MRPL30: variants seen among roughly 807,000 people sequenced by gnomAD.
The protein encoded by MRPL30 is mitochondrial ribosomal protein L30.
A neutral mutation model predicts 17.2 loss-of-function variants in MRPL30; 10 were observed. That is an observed-to-expected ratio of 0.58 (90% CI 0.36 to 0.99). The LOEUF is 0.99. MRPL30 is among the 50% of genes least tolerant of loss of function. The pLI is 0.01. For synonymous variants in MRPL30, 61 were observed against 62.1 expected (o/e 0.98, Z 0.08); for missense variants, 170 against 189.8 (o/e 0.90, Z 0.61).
chr2:99,191,168 A>G (rs1450825109), intron 3 of MRPL30, among the ~76,000 whole-genome samples: 4 of 151,996 alleles, frequency 2.6e-5, no homozygotes, highest in Non-Finnish European at 5.9e-5. Flanking sequence ...CACCACACCC[A>G]GCTAATTTTT....
At chr2:99,182,834 A>G (rs529379076) in intron 1 of MRPL30, among the ~76,000 whole-genome samples, 1 of 152,366 alleles carries the variant, frequency 6.6e-6, no homozygotes, top group South Asian at 2.1e-4. Context: ...TGAATATAAC[A>G]GACCCAAAAC....
chr2:99,185,216 C>A (rs1405910319), intron 1 of MRPL30, among the ~76,000 whole-genome samples: 1 of 152,162 alleles, frequency 6.6e-6, no homozygotes. Context: ...CCCTTCCACC[C>A]CTCCCTATCT....
In MRPL30 at chr2:99,195,902, A is replaced by C; in HGVS notation, c.*197A>C. On this transcript the variant is annotated 3_prime_UTR_variant, in exon 6 of 6. Transcript: ENST00000338148. ...TTCGAGACCAGCCTGACCAACATGG[A>C]GAAACCCCCATCTCTACTGAAAATA... 1.9e-6 allele frequency: 1 copy of C among 522,850 alleles called. No homozygotes were observed. The highest frequency in any genetic ancestry group is 2.2e-5 in the South Asian group (1 of 46,380). 32.4% of individuals were successfully genotyped at this position (522,850 alleles called of 1,614,324 possible).
Position 99,198,279 on chromosome 2 carries a change from T to A in MRPL30, c.*2574T>A. Among the ~76,000 whole-genome samples the A allele has an allele frequency of 6.6e-6, 1 of 152,170 alleles. No homozygotes were observed. The highest frequency in any genetic ancestry group is 1.9e-4 in the East Asian group (1 of 5,190). ...GCTTAGCTGGGTAGTCTGTTTAGGA[T>A]CTCAGTGCTGGAAAAACGTGTCTGG... On this transcript the variant is annotated 3_prime_UTR_variant, in exon 6 of 6. Coordinates refer to ENST00000338148, the MANE Select transcript of MRPL30 (RefSeq NM_145212.4).
chr2:99,182,705 T>C (rs2093926945), intron 1 of MRPL30, among the ~76,000 whole-genome samples: 1 of 152,214 alleles, frequency 6.6e-6, no homozygotes, highest in South Asian at 2.1e-4. Flanking sequence ...ACTTGTAACT[T>C]TTGACTATCA....
In MRPL30 at chr2:99,191,691, C is replaced by T. The variant is rs868459241; in HGVS notation, c.133-3060C>T. ...TGGGTTTCCTTGTATCAGTCTCTAT[C>T]CCCAGTTGGTTTTATTCTTAGGTAA... On this transcript the variant is annotated intron_variant, in intron 3 of 5. Transcript: ENST00000338148. Among the ~76,000 whole-genome samples the T allele has an allele frequency of 6.4e-4, 98 of 152,122 alleles. 2 individuals are homozygous for T. Among genetic ancestry groups the T allele is most frequent in the African/African-American group, 1.0e-3 (43 of 41,426 alleles).
At position 99,195,607 on chromosome 2, in the gene MRPL30, G is replaced by C. The variant is rs1044575; in HGVS notation, c.388G>C (p.Ala130Pro). 6.2e-7 allele frequency: 1 copy of C among 1,610,294 alleles called. No homozygotes were observed. Among genetic ancestry groups the C allele is most frequent in the Non-Finnish European group, 8.5e-7 (1 of 1,179,150 alleles). The change falls in exon 6 of 6, where the codon GCA (alanine) becomes CCA (proline). Residue 130 changes from alanine to proline, a missense_variant. Transcript: ENST00000338148. ...KPLKLPQGLP[A>P]EENMSNTCLK... is the part of the protein sequence containing the mutation. ...CTTGAAGTTGCCACAAGGACTTCCA[G>C]CAGAGGAGAACATGTCTAACACGTG... is the stretch of plus-strand genomic sequence containing the variant.
intron 3 of MRPL30, among the ~76,000 whole-genome samples, chr2:99,191,689 ATC>A (rs2093946320): frequency 6.6e-6 from 1 of 152,182 alleles, no homozygotes; most frequent in South Asian, 2.1e-4. Flanking sequence ...ATCAGTCTCT[ATC>A]CCCAGTTGGT....
chr2:99,189,071 A>G (rs2093939378), intron 3 of MRPL30, among the ~76,000 whole-genome samples: 1 of 152,192 alleles, frequency 6.6e-6, no homozygotes, highest in South Asian at 2.1e-4. Context: ...GGAAGTATGG[A>G]GAGTTCCTAT....
chr2:99,195,610 G>C lies in MRPL30; in HGVS notation c.391G>C (p.Glu131Gln), dbSNP rs768132095. The C allele has an allele frequency of 7.9e-5, 127 of 1,611,712 alleles. No individual in the cohort carries two copies. Among genetic ancestry groups the C allele is most frequent in the Non-Finnish European group, 9.6e-5 (113 of 1,179,582 alleles). The change falls in exon 6 of 6, where the codon GAG (glutamate) becomes CAG (glutamine). Residue 131 changes from glutamate (E) to glutamine (Q), a missense_variant. By Grantham distance (29) the Glu-to-Gln change is conservative. Transcript: ENST00000338148. ...GAAGTTGCCACAAGGACTTCCAGCA[G>C]AGGAGAACATGTCTAACACGTGCCT... ...PLKLPQGLPAEENMSNTCLKS... is the reference protein window; with the variant it reads ...PLKLPQGLPAQENMSNTCLKS...
chr2:99,187,564 G>A (rs919041082), intron 2 of MRPL30, among the ~76,000 whole-genome samples: 2 of 152,114 alleles, frequency 1.3e-5, no homozygotes, highest in Non-Finnish European at 2.9e-5. Flanking sequence ...GGTGGCTCAC[G>A]CTTGTAATCC....
chr2:99,193,144 C>T (rs1414979835), intron 3 of MRPL30, among the ~76,000 whole-genome samples: 2 of 151,940 alleles, frequency 1.3e-5, no homozygotes, highest in Non-Finnish European at 2.9e-5. Context: ...ACAAACAATC[C>T]CATCAAAAAG....
In MRPL30 at chr2:99,194,780, A is replaced by G; in HGVS notation, c.162A>G (p.Glu54=). ...KVFQASPEDH[E]KYGGDPQNPH... ...TTCAGGCCTCACCTGAAGATCATGA[A>G]AAATACGGTGGGGATCCACAGAACC... The change falls in exon 4 of 6, where the codon GAA becomes GAG. Residue 54 remains glutamate (E), a synonymous_variant. Transcript: ENST00000338148. 6.3e-7 allele frequency: 1 copy of G among 1,592,304 alleles called. No homozygotes were observed. Among genetic ancestry groups the G allele is most frequent in the Non-Finnish European group, 8.5e-7 (1 of 1,174,422 alleles).
chr2:99,192,836 A>G (rs546579068), intron 3 of MRPL30, among the ~76,000 whole-genome samples: 2 of 152,308 alleles, frequency 1.3e-5, no homozygotes, highest in South Asian at 4.1e-4. Context: ...GGTTGAACTA[A>G]TTTACATTCC....
intron 3 of MRPL30, among the ~76,000 whole-genome samples, chr2:99,191,491 A>G (rs1389928750): frequency 6.6e-6 from 1 of 152,192 alleles, no homozygotes; most frequent in Non-Finnish European, 1.5e-5. Flanking sequence ...AGTTAATGCT[A>G]CCATCCTCTA....
At chr2:99,186,324 A>C (rs1253496715) in intron 2 of MRPL30, 70 bp downstream of exon 2, 6 of 1,399,708 alleles carry the variant, frequency 4.3e-6, no homozygotes, top group Non-Finnish European at 5.0e-6. Flanking sequence ...ATTACAAGGC[A>C]AGCTAAGTTC....
At chr2:99,185,664 T>C (rs1037015044) in intron 1 of MRPL30, 3 of 312,044 alleles carry the variant, frequency 9.6e-6, no homozygotes, top group African/African-American at 2.2e-5. Context: ...TGTTATGATT[T>C]AGTGAAAATG....
chr2:99,198,894 C>T lies in MRPL30; in HGVS notation c.*3189C>T, dbSNP rs972617574. Among the ~76,000 whole-genome samples the T allele has an allele frequency of 6.6e-6, 1 of 152,100 alleles. No individual in the cohort carries two copies. Among genetic ancestry groups the T allele is most frequent in the African/African-American group, 2.4e-5 (1 of 41,412 alleles). ...AGGACGACTGCAGTTCTCTTAGGGT[C>T]TCCTCAATCTAAAATTGTACCTCTT... On this transcript the variant is annotated 3_prime_UTR_variant, in exon 6 of 6. Coordinates refer to ENST00000338148, the MANE Select transcript of MRPL30 (RefSeq NM_145212.4).
In MRPL30 at chr2:99,196,141, A is replaced by G. The variant is rs946347329; in HGVS notation, c.*436A>G. 5.9e-6 allele frequency: 1 copy of G among 169,846 alleles called. No individual in the cohort carries two copies. Among genetic ancestry groups the G allele is most frequent in the African/African-American group, 2.4e-5 (1 of 41,438 alleles). The allele number at this position is 169,846 out of a possible 1,614,324, so 10.5% of individuals were successfully genotyped here. A position where few individuals can be genotyped will look rare whatever the true frequency, so the allele number is the denominator to read the frequency against. On this transcript the variant is annotated 3_prime_UTR_variant, in exon 6 of 6. Coordinates refer to ENST00000338148, the MANE Select transcript of MRPL30 (RefSeq NM_145212.4). Reference sequence around the variant, plus strand: ...ACCTGCTGCAGCTCTCTTTTACTACAGACTTGGAGATTTTAGTTTAATTTG... The same window carrying G: ...ACCTGCTGCAGCTCTCTTTTACTACGGACTTGGAGATTTTAGTTTAATTTG...
Sources: gnomAD v4.1 joint callset for allele counts (sites outside exome capture counted in the v4.1 genomes callset) on GRCh38, gnomAD v4.1.1 for gene constraint, MANE v1.5 for transcripts, NCBI Gene and HGNC (gene_info 2026-07-23, HGNC 2026-07-21) for gene names.